Variants in MAPK10 observed in about 807,000 individuals in gnomAD.
MAPK10 encodes the protein mitogen-activated protein kinase 10.
A neutral mutation model predicts 59.3 loss-of-function variants in MAPK10; 25 were observed. That is an observed-to-expected ratio of 0.42 (90% confidence interval 0.31 to 0.59). MAPK10 has a LOEUF of 0.59. MAPK10 is among the 20% of genes least tolerant of loss of function. The pLI, the probability that MAPK10 is intolerant of heterozygous loss-of-function variation, is 0.15. For missense variants in MAPK10, 351 were observed against 568.9 expected, an observed-to-expected ratio of 0.62 and a Z score of 3.90; for synonymous variants, 190 against 200.5, an observed-to-expected ratio of 0.95 and a Z score of 0.44.
At chr4:86,349,663 T>C (rs1578701534) in intron 2 of MAPK10, among the ~76,000 whole-genome samples, 1 of 152,300 alleles carries the variant, frequency 6.6e-6, no homozygotes, top group East Asian at 1.9e-4. Flanking sequence ...GGAGATAGAA[T>C]CTTATGAAAT....
At chr4:86,207,859 C>T (rs893258112) in intron 2 of MAPK10, among the ~76,000 whole-genome samples, 3 of 151,572 alleles carry the variant, frequency 2.0e-5, no homozygotes, top group Non-Finnish European at 4.4e-5. Context: ...GTCTGTTATT[C>T]GTGTATAAGA....
chr4:86,043,386 C>T (rs1415290646), intron 11 of MAPK10, among the ~76,000 whole-genome samples: 1 of 152,030 alleles, frequency 6.6e-6, no homozygotes, highest in Non-Finnish European at 1.5e-5. Flanking sequence ...ACATGAGATA[C>T]CCATTTTTTT....
At chr4:86,586,251 G>A (rs990554431) in intron 1 of MAPK10, among the ~76,000 whole-genome samples, 1 of 152,198 alleles carries the variant, frequency 6.6e-6, no homozygotes, top group Admixed American at 6.5e-5. Context: ...TCAGAGACAG[G>A]ACCAACCCTA....
intron 2 of MAPK10, among the ~76,000 whole-genome samples, chr4:86,292,077 A>C (rs989311027): frequency 2.6e-5 from 4 of 152,210 alleles, no homozygotes; most frequent in African/African-American, 9.6e-5. Context: ...GATTCTGAAG[A>C]GTATTTATAG....
chr4:86,298,839 A>G (rs1242075124), intron 2 of MAPK10, among the ~76,000 whole-genome samples: 1 of 152,180 alleles, frequency 6.6e-6, no homozygotes, highest in African/African-American at 2.4e-5. Flanking sequence ...TCATGAGAAC[A>G]GTGGTTTTGA....
intron 2 of MAPK10, among the ~76,000 whole-genome samples, chr4:86,228,997 T>A (rs1255028297): frequency 6.6e-6 from 1 of 152,240 alleles, no homozygotes; most frequent in East Asian, 1.9e-4. Flanking sequence ...AAATGTATCG[T>A]CTTTCAGAGA....
At chr4:86,060,154 C>T (rs1388734353) in intron 11 of MAPK10, among the ~76,000 whole-genome samples, 1 of 152,216 alleles carries the variant, frequency 6.6e-6, no homozygotes, top group African/African-American at 2.4e-5. Flanking sequence ...TCAGGTCTAG[C>T]TCCTTCCTTT....
At chr4:86,115,010 C>T (rs1038573599) in intron 4 of MAPK10, among the ~76,000 whole-genome samples, 4 of 152,252 alleles carry the variant, frequency 2.6e-5, no homozygotes, top group African/African-American at 9.6e-5. Flanking sequence ...ACCACCCAGT[C>T]TCCCTGACAC....
intron 2 of MAPK10, among the ~76,000 whole-genome samples, chr4:86,307,565 CA>C (rs1383057956): frequency 2.0e-5 from 3 of 151,902 alleles, no homozygotes; most frequent in African/African-American, 7.3e-5. Context: ...CATATGCAGG[CA>C]AATAAGATTT....
At chr4:86,310,178 C>T (rs1252736300) in intron 2 of MAPK10, among the ~76,000 whole-genome samples, 1 of 152,090 alleles carries the variant, frequency 6.6e-6, no homozygotes, top group African/African-American at 2.4e-5. Context: ...CAGATGGAAC[C>T]AAAGTACTTC....
At chr4:86,248,479 T>C (rs1457905753) in intron 2 of MAPK10, among the ~76,000 whole-genome samples, 1 of 152,170 alleles carries the variant, frequency 6.6e-6, no homozygotes, top group Non-Finnish European at 1.5e-5. Context: ...ACCATATGCA[T>C]ATTATAGGCA....
chr4:86,118,725 T>C (rs1371845140), intron 4 of MAPK10, among the ~76,000 whole-genome samples: 2 of 152,188 alleles, frequency 1.3e-5, no homozygotes, highest in Non-Finnish European at 2.9e-5. Flanking sequence ...CATAATCATT[T>C]ATTTGACAAT....
intron 2 of MAPK10, among the ~76,000 whole-genome samples, chr4:86,222,272 T>C (rs1223352657): frequency 6.6e-6 from 1 of 152,230 alleles, no homozygotes; most frequent in Non-Finnish European, 1.5e-5. Flanking sequence ...TTATAGAGGA[T>C]GATGCTATAC....
At position 86,056,107 on chromosome 4, in the gene MAPK10, T is replaced by C. The variant is rs895609547; in HGVS notation, c.1110+8159A>G. On this transcript the variant is annotated intron_variant, in intron 11 of 13. Coordinates refer to ENST00000641462, the MANE Select transcript of MAPK10 (RefSeq NM_138982.4). ...AAAATGTGACTCACAAAGACTTTAA[T>C]CCCCTTTCCTCCCAACGGGAGATAC... 3.5e-4 allele frequency among the ~76,000 whole-genome samples: 52 copies of C among 150,230 alleles called. 3 individuals carry two copies. Among genetic ancestry groups the C allele is most frequent in the African/African-American group, 1.3e-3 (51 of 40,248 alleles).
chr4:86,040,562 A>G (rs2041309432), intron 11 of MAPK10, among the ~76,000 whole-genome samples: 1 of 152,212 alleles, frequency 6.6e-6, no homozygotes, highest in African/African-American at 2.4e-5. Flanking sequence ...AGTATGTTTA[A>G]GGAAATAATA....
intron 1 of MAPK10, among the ~76,000 whole-genome samples, chr4:86,372,143 C>T (rs1250278310): frequency 1.3e-5 from 2 of 152,118 alleles, no homozygotes; most frequent in Non-Finnish European, 2.9e-5. Context: ...GTAAAACACT[C>T]CTCAACAAAT....
At chr4:86,375,713 TAAAAAAAAAA>T (rs56189009) in intron 1 of MAPK10, among the ~76,000 whole-genome samples, 3 of 33,322 alleles carry the variant, frequency 9.0e-5, no homozygotes, top group South Asian at 2.3e-3. Flanking sequence ...AGGTCCACTC[TAAAAAAAAAA>T]AAAAAAAAAA....
intron 1 of MAPK10, among the ~76,000 whole-genome samples, chr4:86,581,118 C>T (rs1183239173): frequency 2.0e-5 from 3 of 152,058 alleles, no homozygotes; most frequent in East Asian, 1.9e-4. Flanking sequence ...TCTTCTATTT[C>T]AAGTGAAAAA....
At chr4:86,090,599 G>C (rs2052915869) in intron 9 of MAPK10, 1 of 152,224 alleles carries the variant, frequency 6.6e-6, no homozygotes, top group South Asian at 2.1e-4. Context: ...GTAATTTCAA[G>C]TAATATCTGT....
Sources: gnomAD v4.1 joint callset for allele counts (sites outside exome capture counted in the v4.1 genomes callset) on GRCh38, gnomAD v4.1.1 for gene constraint, MANE v1.5 for transcripts, NCBI Gene and HGNC (gene_info 2026-07-23, HGNC 2026-07-21) for gene names.